The following ARMC9 variants were observed in gnomAD, a reference collection of about 807,000 sequenced individuals.
ARMC9 encodes lisH domain-containing protein ARMC9.
In ARMC9, 94 loss-of-function variants were observed where a neutral mutation model predicts 107.0. The ratio of observed to expected loss-of-function variants is 0.88; its 90% CI spans 0.74 to 1.04. The LOEUF (loss-of-function observed/expected upper bound fraction) is 1.04. Ranked by LOEUF, ARMC9 falls within the 50% of genes least tolerant of loss-of-function variation. ARMC9 has a pLI of 0.00. For synonymous variants in ARMC9, 380 were observed against 396.9 expected, an observed-to-expected ratio of 0.96 and a Z score of 0.51; for missense variants, 942 against 1,030.1, an observed-to-expected ratio of 0.91 and a Z score of 1.17.
At chr2:231,337,562 C>T (rs1290767440) in intron 20 of ARMC9, among the ~76,000 whole-genome samples, 1 of 143,164 alleles carries the variant, frequency 7.0e-6, no homozygotes, top group Non-Finnish European at 1.5e-5. Context: ...CTCCACCTCC[C>T]GGGTTCACGC....
At chr2:231,235,115 T>C in intron 7 of ARMC9, 109 bp from the exon 8 acceptor site, 1 of 1,231,386 alleles carries the variant, frequency 8.1e-7, no homozygotes, top group Non-Finnish European at 1.1e-6. Context: ...CAGTTTATTG[T>C]TACAAGAAAA....
At chr2:231,202,719 G>T (rs181225642) in intron 1 of ARMC9, among the ~76,000 whole-genome samples, 3 of 152,050 alleles carry the variant, frequency 2.0e-5, no homozygotes, top group Admixed American at 6.6e-5. Flanking sequence ...TAAACTCCAG[G>T]CTCATATATC....
chr2:231,276,823 G>T, intron 15 of ARMC9, 48 bp downstream of exon 15: 2 of 1,601,194 alleles, frequency 1.2e-6, no homozygotes, highest in South Asian at 2.2e-5. Context: ...AAGAGATCTT[G>T]ACTCTTGAAG....
chr2:231,358,628 G>A lies in ARMC9; in HGVS notation c.2132-2126G>A, dbSNP rs558583821. Among the ~76,000 whole-genome samples, 7 of 152,266 alleles carry A rather than the reference G, an allele frequency of 4.6e-5. No homozygotes were observed. The highest frequency in any genetic ancestry group is 1.9e-4 in the East Asian group (1 of 5,174). ...AACTAACGCCCCACCCAGAGACCCCGTGGAAACCCCCACCTTCACGCTGAG... is the reference window on the plus strand; with the variant it reads ...AACTAACGCCCCACCCAGAGACCCCATGGAAACCCCCACCTTCACGCTGAG... On this transcript the variant is annotated intron_variant, in intron 22 of 24. Coordinates refer to ENST00000611582, the MANE Select transcript of ARMC9 (RefSeq NM_001352754.2). This position sits in a 1 kb window ranked among gnomAD's most constrained non-coding sequence, Gnocchi z 4.5.
intron 19 of ARMC9, among the ~76,000 whole-genome samples, chr2:231,317,112 G>A (rs927818106): frequency 2.0e-5 from 3 of 151,900 alleles, no homozygotes; most frequent in South Asian, 2.1e-4. Flanking sequence ...GGTTCTTAGC[G>A]GTTTGTCTAT....
intron 20 of ARMC9, among the ~76,000 whole-genome samples, chr2:231,339,121 A>C (rs1034453230): frequency 1.3e-5 from 2 of 152,128 alleles, no homozygotes. Flanking sequence ...CGAGGTCAGG[A>C]GTTCAAGACC....
At chr2:231,220,034 C>T (rs2125329422) in intron 5 of ARMC9, among the ~76,000 whole-genome samples, 1 of 152,228 alleles carries the variant, frequency 6.6e-6, no homozygotes, top group East Asian at 1.9e-4. Flanking sequence ...TAAGAACGTG[C>T]AAATCATTGT....
At chr2:231,323,564 A>G (rs1328028943) in intron 19 of ARMC9, among the ~76,000 whole-genome samples, 1 of 152,138 alleles carries the variant, frequency 6.6e-6, no homozygotes, top group Admixed American at 6.5e-5. Flanking sequence ...CCCAAGCCCT[A>G]AGGATGCCTC....
intron 14 of ARMC9, among the ~76,000 whole-genome samples, chr2:231,275,074 T>C (rs2039647121): frequency 6.6e-6 from 1 of 152,242 alleles, no homozygotes; most frequent in Non-Finnish European, 1.5e-5. Context: ...ACTGCCTGTT[T>C]ATCTTTTCCT....
chr2:231,370,494 G>A (rs146298991), intron 24 of ARMC9: 450 of 194,138 alleles, frequency 2.3e-3, no homozygotes, highest in Non-Finnish European at 3.7e-3. Context: ...CCTGAAACTC[G>A]GACCTGCCCT....
chr2:231,326,406 G>A (rs1384964420), intron 19 of ARMC9, among the ~76,000 whole-genome samples: 1 of 152,218 alleles, frequency 6.6e-6, no homozygotes, highest in East Asian at 1.9e-4. Context: ...GCTAGCAGGA[G>A]CAGCATCTCC....
intron 23 of ARMC9, among the ~76,000 whole-genome samples, chr2:231,367,924 G>A (rs1203417057): frequency 1.3e-5 from 2 of 150,164 alleles, no homozygotes; most frequent in Non-Finnish European, 2.9e-5. Flanking sequence ...AGGTTGCAAT[G>A]AGCCGAGATC....
intron 15 of ARMC9, among the ~76,000 whole-genome samples, chr2:231,277,545 A>ATG (rs4018034): frequency 0.38 from 57,039 of 149,436 alleles, 13,559 homozygotes; most frequent in African/African-American, 0.68. Context: ...AAAAAATAGC[A>ATG]TGCAAAAAGT....
At chr2:231,287,264 C>A (rs1054117381) in intron 17 of ARMC9, among the ~76,000 whole-genome samples, 1 of 152,206 alleles carries the variant, frequency 6.6e-6, no homozygotes, top group Non-Finnish European at 1.5e-5. Context: ...GCTCCCCACC[C>A]AACAGAATGA....
At chr2:231,199,648 A>G (rs2030448787) in intron 1 of ARMC9, among the ~76,000 whole-genome samples, 1 of 152,230 alleles carries the variant, frequency 6.6e-6, no homozygotes, top group South Asian at 2.1e-4. Context: ...CCTTCAATAA[A>G]TGATACCTAT....
At position 231,292,517 on chromosome 2, in the gene ARMC9, T is replaced by G. The variant is rs761143491; in HGVS notation, c.1717+1074T>G. On this transcript the variant is annotated intron_variant, in intron 18 of 24. Coordinates refer to ENST00000611582, the MANE Select transcript of ARMC9 (RefSeq NM_001352754.2). The stretch of plus-strand genomic sequence containing the variant: ...AATGTGGTCCTCATTCTATCCAGCC[T>G]CCTCCATTACCATAACAACCCACAT... 2.5e-4 allele frequency among the ~76,000 whole-genome samples: 38 copies of G among 152,106 alleles called. 1 individual carries two copies. The highest frequency in any genetic ancestry group is 3.3e-4 in the Admixed American group (5 of 15,268).
chr2:231,276,811 G>T lies in ARMC9; in HGVS notation c.1474+36G>T, dbSNP rs377041652. 2 of 1,609,498 alleles carry T rather than the reference G, an allele frequency of 1.2e-6. No homozygotes were observed. The highest frequency in any genetic ancestry group is 1.7e-6 in the Non-Finnish European group (2 of 1,177,416). On this transcript the variant is annotated intron_variant, in intron 15 of 24. Transcript: ENST00000611582. ...CGACCCTCATTCTAGTGCAAGAAGG[G>T]GAAGAGATCTTGACTCTTGAAGCTG...
At position 231,276,632 on chromosome 2, in the gene ARMC9, C is replaced by T; in HGVS notation, c.1335-4C>T. 1 of 1,614,106 alleles carries T rather than the reference C, an allele frequency of 6.2e-7. No individual in the cohort carries two copies. The highest frequency in any genetic ancestry group is 8.5e-7 in the Non-Finnish European group (1 of 1,180,002). ...TGTATTTACCGTAGGCTCTTTCTTC[C>T]CAGGCGCCCGCTGCAGACAGCGATG... On this transcript the variant is annotated splice_polypyrimidine_tract_variant and splice_region_variant and intron_variant, in intron 14 of 24. Transcript: ENST00000611582.
Position 231,328,814 on chromosome 2 carries a change from C to CTTTTTTTTTTTTTTTTTTTTTTTTT in ARMC9, c.1774-2975_1774-2974insTTTTTTTTTTTTTTTTTTTTTTTTT, listed in dbSNP as rs1341987081. Among the ~76,000 whole-genome samples, 1,087 of 127,066 alleles carry CTTTTTTTTTTTTTTTTTTTTTTTTT rather than the reference C, an allele frequency of 8.6e-3. 193 individuals are homozygous for CTTTTTTTTTTTTTTTTTTTTTTTTT. Among genetic ancestry groups the CTTTTTTTTTTTTTTTTTTTTTTTTT allele is most frequent in the Middle Eastern group, 0.014 (3 of 212 alleles). 83.4% of individuals were successfully genotyped at this position (127,066 alleles called of 152,430 possible). The stretch of plus-strand genomic sequence containing the variant: ...AGCGTGTTCAATTTTCTTTTCTTTT[C>CTTTTTTTTTTTTTTTTTTTTTTTTT]TTTTCTTTTTTTTTTTTTGAGTCGG... On this transcript the variant is annotated intron_variant, in intron 19 of 24. Coordinates refer to ENST00000611582, the MANE Select transcript of ARMC9 (RefSeq NM_001352754.2).
Sources: gnomAD v4.1 joint callset for allele counts (sites outside exome capture counted in the v4.1 genomes callset) on GRCh38, gnomAD v4.1.1 for gene constraint, Gnocchi (gnomAD v3.1) non-coding constraint, MANE v1.5 for transcripts, NCBI Gene and HGNC (gene_info 2026-07-23, HGNC 2026-07-21) for gene names.